The following DLC1 variants were observed in gnomAD, a reference collection of about 807,000 sequenced individuals.
DLC1 encodes the protein rho GTPase-activating protein 7.
Under a neutral mutation model 140.3 loss-of-function variants are expected in DLC1, and 54 were observed. The observed-to-expected ratio is 0.38, with a 90% confidence interval of 0.31 to 0.48. The LOEUF is 0.48. DLC1 is among the 20% of genes least tolerant of loss of function. The pLI is 0.96. For missense variants in DLC1, 2,536 were observed against 1,907.0 expected (o/e 1.33, Z -6.14); for synonymous variants, 986 against 728.1 (o/e 1.35, Z -5.70).
chr8:13,098,117 C>A (rs1035430149), intron 10 of DLC1, among the ~76,000 whole-genome samples: 3 of 148,958 alleles, frequency 2.0e-5, no homozygotes, highest in Admixed American at 1.3e-4. Context: ...TCCAGCCACT[C>A]TGGAGCCTCA....
At chr8:13,547,693 G>C (rs983200311) in intron 1 of DLC1, among the ~76,000 whole-genome samples, 1 of 152,016 alleles carries the variant, frequency 6.6e-6, no homozygotes, top group African/African-American at 2.4e-5. Flanking sequence ...CTAGCTATTT[G>C]TTAGCTCGAC....
chr8:13,563,054 T>C (rs1350601968), intron 1 of DLC1, among the ~76,000 whole-genome samples: 5 of 152,196 alleles, frequency 3.3e-5, no homozygotes, highest in Non-Finnish European at 7.3e-5. Context: ...TGATTATCTA[T>C]AGGGAACGTA....
intron 1 of DLC1, among the ~76,000 whole-genome samples, chr8:13,537,912 C>T (rs987552251): frequency 3.9e-5 from 6 of 152,028 alleles, no homozygotes. Context: ...CCTCGGCCTC[C>T]CAAAGTTCTG....
intron 5 of DLC1, among the ~76,000 whole-genome samples, chr8:13,271,198 A>G (rs1830917404): frequency 6.6e-6 from 1 of 152,128 alleles, no homozygotes; most frequent in South Asian, 2.1e-4. Context: ...GTCTTTAAAA[A>G]TCTCCTCTGG....
intron 2 of DLC1, among the ~76,000 whole-genome samples, chr8:13,457,313 G>T (rs1799437010): frequency 1.3e-5 from 2 of 152,076 alleles, no homozygotes; most frequent in African/African-American, 4.8e-5. Flanking sequence ...TATAAAATAT[G>T]CTCCTGTCAT....
intron 5 of DLC1, among the ~76,000 whole-genome samples, chr8:13,125,508 T>G (rs1821475778): frequency 6.6e-6 from 1 of 152,204 alleles, no homozygotes; most frequent in Non-Finnish European, 1.5e-5. Context: ...ATCCGTGACT[T>G]GGGCGCTGAA....
chr8:13,190,004 G>A (rs1028970873), intron 5 of DLC1, among the ~76,000 whole-genome samples: 3 of 152,096 alleles, frequency 2.0e-5, no homozygotes, highest in African/African-American at 7.2e-5. Flanking sequence ...GACATATGAT[G>A]AAGCCATCAT....
intron 1 of DLC1, among the ~76,000 whole-genome samples, chr8:13,580,168 G>T (rs903833334): frequency 3.3e-4 from 50 of 150,030 alleles, no homozygotes; most frequent in African/African-American, 1.2e-3. Context: ...TGTTGTCCAG[G>T]CTGGAGTGCA....
chr8:13,461,884 T>C (rs1418390609), intron 2 of DLC1, among the ~76,000 whole-genome samples: 1 of 152,202 alleles, frequency 6.6e-6, no homozygotes, highest in Non-Finnish European at 1.5e-5. Flanking sequence ...GGATGCAGCC[T>C]GTGACATGCT....
intron 5 of DLC1, among the ~76,000 whole-genome samples, chr8:13,168,448 T>G (rs982028058): frequency 6.6e-6 from 1 of 152,210 alleles, no homozygotes; most frequent in African/African-American, 2.4e-5. Context: ...TTACTCTCAG[T>G]AGCAACTTGG....
At chr8:13,341,001 C>G (rs1834018195) in intron 4 of DLC1, 1 of 152,132 alleles carries the variant, frequency 6.6e-6, no homozygotes, top group Non-Finnish European at 1.5e-5. Flanking sequence ...TCACATCGAG[C>G]TATGGGGATA....
chr8:13,137,448 A>G (rs1867079), intron 5 of DLC1, among the ~76,000 whole-genome samples: 6,093 of 118,742 alleles, frequency 0.051, 294 homozygotes, highest in African/African-American at 0.15. Context: ...ATACATCAAA[A>G]TGAAAACCTA....
intron 1 of DLC1, among the ~76,000 whole-genome samples, chr8:13,571,921 C>G (rs1804666410): frequency 6.6e-6 from 1 of 152,110 alleles, no homozygotes; most frequent in Non-Finnish European, 1.5e-5. Flanking sequence ...GGAGTGGCAT[C>G]TCATTGTACT....
At chr8:13,377,333 A>G (rs917382016) in intron 4 of DLC1, among the ~76,000 whole-genome samples, 38 of 152,356 alleles carry the variant, frequency 2.5e-4, no homozygotes, top group African/African-American at 9.1e-4. Flanking sequence ...TTTAAATTAC[A>G]TATCCTTTGA....
In DLC1 at chr8:13,561,863, G is replaced by C. The variant is rs889068103; in HGVS notation, c.-126+42674C>G. Among the ~76,000 whole-genome samples the C allele has an allele frequency of 2.6e-5, 4 of 152,144 alleles. No individual in the cohort carries two copies. In the East Asian group the frequency reaches 7.7e-4, roughly 29 times the overall value. ...ACTACTAGTTCAAAATGTGTTGGAG[G>C]TATTAGTCAAAGAAATTAGATATCA... On this transcript the variant is annotated intron_variant, in intron 1 of 1. Transcript: ENST00000631382.
intron 5 of DLC1, among the ~76,000 whole-genome samples, chr8:13,128,524 G>A (rs1238227619): frequency 1.3e-5 from 2 of 152,202 alleles, no homozygotes; most frequent in African/African-American, 4.8e-5. Context: ...GTTGCTGCCT[G>A]GGAGACACTA....
At chr8:13,209,814 C>A (rs988138731) in intron 5 of DLC1, among the ~76,000 whole-genome samples, 4 of 152,136 alleles carry the variant, frequency 2.6e-5, no homozygotes, top group Non-Finnish European at 5.9e-5. Context: ...CTTACTGAGG[C>A]CTTCTCAGAA....
intron 5 of DLC1, among the ~76,000 whole-genome samples, chr8:13,188,305 C>T (rs1447588130): frequency 2.7e-5 from 4 of 149,028 alleles, no homozygotes; most frequent in African/African-American, 4.9e-5. Flanking sequence ...TGGTCTCAGC[C>T]AGCTTTTAAG....
At chr8:13,535,695 C>T (rs1010099670) in intron 1 of DLC1, among the ~76,000 whole-genome samples, 1 of 98,444 alleles carries the variant, frequency 1.0e-5, no homozygotes, top group African/African-American at 4.2e-5. Context: ...GAAAAGAAAA[C>T]AACAACCCTC....
Sources: allele counts gnomAD v4.1 joint callset (sites outside exome capture counted in the v4.1 genomes callset), GRCh38; gene constraint gnomAD v4.1.1; transcripts MANE v1.5; gene names NCBI Gene and HGNC (gene_info 2026-07-23, HGNC 2026-07-21).